Variants in VRK3 observed in about 807,000 individuals in gnomAD.
VRK3 encodes the protein VRK serine/threonine kinase 3.
A neutral mutation model predicts 60.4 loss-of-function variants in VRK3; 50 were observed. The ratio of observed to expected loss-of-function variants is 0.83; its 90% CI spans 0.66 to 1.05. The LOEUF (loss-of-function observed/expected upper bound fraction) is 1.05, where lower values mean the gene tolerates loss of function less well. Ranked by LOEUF, VRK3 falls within the 50% of genes least tolerant of loss-of-function variation. The probability of loss-of-function intolerance (pLI) is 0.00; values close to 1 mark genes in which losing one functional copy is unlikely to be tolerated. For missense variants in VRK3, 549 were observed against 585.3 expected (o/e 0.94, Z 0.64); for synonymous variants, 246 against 227.8 (o/e 1.08, Z -0.72).
intron 13 of VRK3, among the ~76,000 whole-genome samples, chr19:49,980,308 G>A (rs1043261830): frequency 2.6e-5 from 4 of 152,192 alleles, no homozygotes; most frequent in Non-Finnish European, 5.9e-5. Context: ...CCATTGTGCA[G>A]CTGTTGATAA....
At chr19:49,987,703 T>TTTTTTTTTA (rs1170755654) in intron 12 of VRK3, 1 of 148,010 alleles carries the variant, frequency 6.8e-6, no homozygotes, top group African/African-American at 2.5e-5. Flanking sequence ...CAATGAGCTT[T>TTTTTTTTTA]TTTTTTTTTT....
chr19:49,995,336 G>T (rs2076683612), intron 7 of VRK3, 61 bp from the exon 8 acceptor site: 2 of 1,504,862 alleles, frequency 1.3e-6, no homozygotes, highest in African/African-American at 1.4e-5. Flanking sequence ...GGCAGTAAGA[G>T]CTAGTTCTCA....
intron 5 of VRK3, among the ~76,000 whole-genome samples, chr19:50,003,540 G>A (rs73935134): frequency 4.7e-4 from 71 of 152,316 alleles, no homozygotes; most frequent in African/African-American, 1.5e-3. Context: ...ATAGCTCAGC[G>A]AGGCCCGGGA....
chr19:50,019,535 G>C (rs1161442719), intron 2 of VRK3, among the ~76,000 whole-genome samples: 1 of 149,736 alleles, frequency 6.7e-6, no homozygotes, highest in Non-Finnish European at 1.5e-5. Context: ...TTAGCAACAG[G>C]GTCCCACCCT....
intron 3 of VRK3, among the ~76,000 whole-genome samples, chr19:50,014,947 G>C (rs2077051395): frequency 6.6e-6 from 1 of 152,156 alleles, no homozygotes; most frequent in South Asian, 2.1e-4. Flanking sequence ...AGGGATGTGG[G>C]AGGTGCGGAG....
intron 3 of VRK3, 67 bp downstream of exon 3, chr19:50,015,956 TC>T (rs1283076790): frequency 1.2e-6 from 2 of 1,600,534 alleles, no homozygotes; most frequent in Non-Finnish European, 1.7e-6. Flanking sequence ...GCATCCTCCC[TC>T]CGCAGACACA....
intron 12 of VRK3, among the ~76,000 whole-genome samples, chr19:49,984,887 C>T (rs1242321574): frequency 1.3e-5 from 2 of 152,166 alleles, no homozygotes; most frequent in Non-Finnish European, 2.9e-5. Context: ...AGCTTCCAAA[C>T]TGCTGAGATT....
At position 49,992,893 on chromosome 19, in the gene VRK3, T is replaced by A. The variant is rs770238748; in HGVS notation, c.930A>T (p.Glu310Asp). The change falls in exon 10 of 15, where the codon GAA becomes GAT. Residue 310 changes from glutamate (E) to aspartate (D), a missense_variant. Coordinates refer to ENST00000316763, the MANE Select transcript of VRK3 (RefSeq NM_016440.4). ...NEYVHGNVTAENIFVDPEDQS... is the reference protein window; with the variant it reads ...NEYVHGNVTADNIFVDPEDQS... ...GGTCCTCTGGATCCACAAAGATATTTTCAGCTGTCACATTTCCATGAACAT... is the reference window on the plus strand; with the variant it reads ...GGTCCTCTGGATCCACAAAGATATTATCAGCTGTCACATTTCCATGAACAT... 3.1e-6 allele frequency: 5 copies of A among 1,614,080 alleles called. No homozygotes were observed. The South Asian group carries it at 3.3e-5, about 11-fold the overall frequency.
chr19:50,000,769 C>A (rs755568807), intron 6 of VRK3, 21 bp downstream of exon 6: 1 of 1,606,428 alleles, frequency 6.2e-7, no homozygotes, highest in Non-Finnish European at 8.5e-7. Context: ...CAAGCTGCCC[C>A]CCACCTGCAG....
At chr19:50,024,624 A>G (rs1170421588) in intron 1 of VRK3, among the ~76,000 whole-genome samples, 1 of 152,194 alleles carries the variant, frequency 6.6e-6, no homozygotes, top group African/African-American at 2.4e-5. Context: ...AACAGTGCCT[A>G]TTAGACTAGC....
At chr19:50,015,365 A>G (rs142980242) in intron 3 of VRK3, among the ~76,000 whole-genome samples, 7,970 of 152,018 alleles carry the variant, frequency 0.052, 685 homozygotes, top group African/African-American at 0.18. Context: ...CTGCAGTGCA[A>G]TGGTGCAATC....
At chr19:49,979,565 C>G (rs751420473) in intron 13 of VRK3, among the ~76,000 whole-genome samples, 1 of 152,194 alleles carries the variant, frequency 6.6e-6, no homozygotes, top group Non-Finnish European at 1.5e-5. Flanking sequence ...CAAATCCCAG[C>G]TAGCAATGCA....
At chr19:50,012,639 C>T (rs1187507024) in intron 3 of VRK3, among the ~76,000 whole-genome samples, 2 of 152,188 alleles carry the variant, frequency 1.3e-5, no homozygotes, top group African/African-American at 4.8e-5. Context: ...TGGCTCATGC[C>T]TGTAATCCCA....
chr19:50,005,858 G>T (rs973733256), intron 5 of VRK3, among the ~76,000 whole-genome samples: 1 of 149,716 alleles, frequency 6.7e-6, no homozygotes, highest in Admixed American at 6.6e-5. Flanking sequence ...GGCTGCCAGT[G>T]GACTGGGGGA....
intron 12 of VRK3, among the ~76,000 whole-genome samples, chr19:49,987,235 C>T (rs1349430073): frequency 6.6e-6 from 1 of 152,194 alleles, no homozygotes; most frequent in Non-Finnish European, 1.5e-5. Context: ...CAGCTGCCCA[C>T]TGTCCTTGGT....
At position 50,016,165 on chromosome 19, in the gene VRK3, T is replaced by C. The variant is rs777342392; in HGVS notation, c.-1-2A>G. On this transcript the variant is annotated splice_acceptor_variant, in intron 2 of 14. Transcript: ENST00000316763. LOFTEE classifies it low-confidence loss of function (5UTR_SPLICE). Reference sequence around the variant, plus strand: ...CAGTCTGGACAGAAGGAGATCATGCTACAAAACAGAATGAACAAACACAAA... The same window carrying C: ...CAGTCTGGACAGAAGGAGATCATGCCACAAAACAGAATGAACAAACACAAA... 4.3e-6 allele frequency: 7 copies of C among 1,613,906 alleles called. No individual in the cohort carries two copies. The highest frequency in any genetic ancestry group is 3.3e-4 in the Middle Eastern group (2 of 6,084).
intron 14 of VRK3, among the ~76,000 whole-genome samples, chr19:49,977,456 C>T (rs896339877): frequency 6.6e-6 from 1 of 152,106 alleles, no homozygotes; most frequent in Non-Finnish European, 1.5e-5. Flanking sequence ...TCTAAATGCC[C>T]TTTGCCCTGG....
chr19:49,993,031 C>T (rs1052724360), intron 9 of VRK3, 79 bp from the exon 10 acceptor site: 7 of 1,309,706 alleles, frequency 5.3e-6, no homozygotes, highest in Admixed American at 3.5e-5. Context: ...CAGGAGGGAG[C>T]CCCACTATTA....
chr19:49,996,771 C>T (rs1278053684), intron 7 of VRK3, among the ~76,000 whole-genome samples: 1 of 151,926 alleles, frequency 6.6e-6, no homozygotes, highest in African/African-American at 2.4e-5. Flanking sequence ...CACACGCCAC[C>T]ACGCCTGGCT....
Sources: allele counts gnomAD v4.1 joint callset (sites outside exome capture counted in the v4.1 genomes callset), GRCh38; gene constraint gnomAD v4.1.1; transcripts MANE v1.5; gene names NCBI Gene and HGNC (gene_info 2026-07-23, HGNC 2026-07-21).